Variants in ALG14 observed in about 807,000 individuals in gnomAD.
The protein encoded by ALG14 is ALG14 UDP-N-acetylglucosaminyltransferase subunit.
In ALG14, 17 loss-of-function variants were observed where a neutral mutation model predicts 22.8. The ratio of observed to expected loss-of-function variants is 0.75; its 90% confidence interval spans 0.51 to 1.12. The LOEUF is 1.12. Ranked by LOEUF, ALG14 falls within the 50% of genes most tolerant of loss-of-function variation. The pLI, the probability that ALG14 is intolerant of heterozygous loss-of-function variation, is 0.00. For missense variants in ALG14, 288 were observed against 271.8 expected, an observed-to-expected ratio of 1.06 and a Z score of -0.42; for synonymous variants, 89 against 103.7, an observed-to-expected ratio of 0.86 and a Z score of 0.86.
chr1:95,052,035 C>A (rs184695455), intron 2 of ALG14, among the ~76,000 whole-genome samples: 6 of 152,290 alleles, frequency 3.9e-5, no homozygotes, highest in Non-Finnish European at 7.4e-5. Flanking sequence ...ATTCCTAACA[C>A]TTAGTAGGTA....
chr1:95,063,636 G>T (rs1438644574), intron 2 of ALG14, among the ~76,000 whole-genome samples: 1 of 152,098 alleles, frequency 6.6e-6, no homozygotes, highest in African/African-American at 2.4e-5. Context: ...CTGTTCCATT[G>T]GTCTGTATCT....
At chr1:95,003,156 A>G (rs1673112646) in intron 3 of ALG14, among the ~76,000 whole-genome samples, 1 of 152,260 alleles carries the variant, frequency 6.6e-6, no homozygotes, top group Non-Finnish European at 1.5e-5. Flanking sequence ...AACAGCACTT[A>G]AAGCAAGGAA....
At chr1:95,059,222 C>G (rs1336432631) in intron 2 of ALG14, among the ~76,000 whole-genome samples, 1 of 151,668 alleles carries the variant, frequency 6.6e-6, no homozygotes, top group African/African-American at 2.4e-5. Flanking sequence ...CATGGGGAAA[C>G]CCCGTCTCTA....
At chr1:94,990,918 G>C (rs773277316) in intron 3 of ALG14, among the ~76,000 whole-genome samples, 6 of 152,216 alleles carry the variant, frequency 3.9e-5, no homozygotes, top group Non-Finnish European at 8.8e-5. Context: ...CCTCTAACTT[G>C]CTCTATCGAT....
rs571527509 is a variant in ALG14 at position 95,040,071 on chromosome 1, T to C, written c.289-12811A>G. The stretch of plus-strand genomic sequence containing the variant: ...CCTGTGGTCCCAACTACTGGGGAGG[T>C]TGAGGTGGGTGGATAGCTTAAGCCT... On this transcript the variant is annotated intron_variant, in intron 2 of 3. Coordinates refer to ENST00000370205, the MANE Select transcript of ALG14 (RefSeq NM_144988.4). Among the ~76,000 whole-genome samples, 51 of 151,292 alleles carry C rather than the reference T, an allele frequency of 3.4e-4. No homozygotes were observed. In the South Asian group the frequency reaches 4.6e-3, roughly 14 times the overall value.
intron 2 of ALG14, among the ~76,000 whole-genome samples, chr1:95,045,761 T>C (rs1361993413): frequency 1.3e-5 from 2 of 149,300 alleles, no homozygotes; most frequent in Non-Finnish European, 3.0e-5. Context: ...TAGCATACTA[T>C]ATACTAATAG....
intron 3 of ALG14, among the ~76,000 whole-genome samples, chr1:95,015,159 G>T (rs1387046571): frequency 1.3e-5 from 2 of 152,108 alleles, no homozygotes; most frequent in African/African-American, 4.8e-5. Flanking sequence ...CCTCTCAGTG[G>T]GATCCAGGAG....
chr1:95,040,958 C>A (rs12071007), intron 2 of ALG14, among the ~76,000 whole-genome samples: 124 of 152,214 alleles, frequency 8.1e-4, no homozygotes, highest in African/African-American at 2.9e-3. Flanking sequence ...AAAGTTTAAC[C>A]TGACTGGCTT....
chr1:94,993,094 C>T (rs1672813908), intron 3 of ALG14, among the ~76,000 whole-genome samples: 1 of 148,288 alleles, frequency 6.7e-6, no homozygotes, highest in Admixed American at 6.9e-5. Context: ...ATGACTTAGC[C>T]TACCCTTCAG....
chr1:94,975,853 C>A lies in ALG14; in HGVS notation c.*7223G>T, dbSNP rs138602201. 9,266 of 150,296 alleles carry A rather than the reference C, an allele frequency of 0.062. 335 individuals carry two copies. Among genetic ancestry groups the A allele is most frequent in the African/African-American group, 0.099 (4,028 of 40,744 alleles). 9.3% of individuals were successfully genotyped at this position (150,296 alleles called of 1,614,324 possible). ...GTCTCTACTAAAAATACAAAAAAAACAAACAAAAAAAAAATTAGCCGGGCG... is the reference window on the plus strand; with the variant it reads ...GTCTCTACTAAAAATACAAAAAAAAAAAACAAAAAAAAAATTAGCCGGGCG... On this transcript the variant is annotated 3_prime_UTR_variant, in exon 4 of 4. Transcript: ENST00000370205.
At chr1:95,010,188 C>T (rs1175426478) in intron 3 of ALG14, among the ~76,000 whole-genome samples, 1 of 152,136 alleles carries the variant, frequency 6.6e-6, no homozygotes, top group African/African-American at 2.4e-5. Flanking sequence ...TAGATCCATC[C>T]TCCCAAACCT....
chr1:95,047,192 T>G (rs553808335), intron 2 of ALG14, among the ~76,000 whole-genome samples: 2 of 152,126 alleles, frequency 1.3e-5, no homozygotes, highest in African/African-American at 4.8e-5. Context: ...TATATGTATG[T>G]GTGTATATAT....
chr1:95,020,168 G>GA (rs1258927595), intron 3 of ALG14, among the ~76,000 whole-genome samples: 8 of 151,834 alleles, frequency 5.3e-5, no homozygotes, highest in African/African-American at 1.9e-4. Context: ...AGTGAGCCGA[G>GA]ATCATATCAC....
chr1:95,023,264 C>T (rs918168392), intron 3 of ALG14, among the ~76,000 whole-genome samples: 1 of 152,146 alleles, frequency 6.6e-6, no homozygotes, highest in Non-Finnish European at 1.5e-5. Context: ...GCTGGGATTA[C>T]AGGCACCCAC....
At chr1:95,008,875 T>C (rs1347072096) in intron 3 of ALG14, among the ~76,000 whole-genome samples, 1 of 152,204 alleles carries the variant, frequency 6.6e-6, no homozygotes, top group Non-Finnish European at 1.5e-5. Flanking sequence ...TCTGTCTCTG[T>C]GAATTTGTCT....
chr1:95,064,371 G>A (rs768434438), intron 2 of ALG14, among the ~76,000 whole-genome samples: 4 of 152,136 alleles, frequency 2.6e-5, no homozygotes, highest in Non-Finnish European at 4.4e-5. Context: ...TTTTCAAGGG[G>A]AATGCTTCCA....
At chr1:95,007,924 C>T (rs1673261774) in intron 3 of ALG14, among the ~76,000 whole-genome samples, 2 of 152,190 alleles carry the variant, frequency 1.3e-5, no homozygotes, top group Admixed American at 6.5e-5. Context: ...TAAATGAGAG[C>T]AGGCATATTT....
At chr1:94,998,157 C>G (rs1398303861) in intron 3 of ALG14, among the ~76,000 whole-genome samples, 1 of 152,182 alleles carries the variant, frequency 6.6e-6, no homozygotes, top group Non-Finnish European at 1.5e-5. Context: ...AGAATGTAGA[C>G]AGTCTATTCT....
At chr1:95,012,869 G>A (rs985416464) in intron 3 of ALG14, among the ~76,000 whole-genome samples, 2 of 152,014 alleles carry the variant, frequency 1.3e-5, no homozygotes, top group Non-Finnish European at 2.9e-5. Flanking sequence ...ACGGTGGCTC[G>A]TGCCTGTAAT....
Sources: allele counts gnomAD v4.1 joint callset (sites outside exome capture counted in the v4.1 genomes callset), GRCh38; gene constraint gnomAD v4.1.1; transcripts MANE v1.5; gene names NCBI Gene and HGNC (gene_info 2026-07-23, HGNC 2026-07-21).